TPD52: variants seen among roughly 807,000 people sequenced by gnomAD.
TPD52 encodes prostate and colon associated protein.
Under a neutral mutation model 31.3 loss-of-function variants are expected in TPD52, and 17 were observed. That is an observed-to-expected ratio of 0.54 (90% CI 0.37 to 0.82). The LOEUF is 0.82. TPD52 is among the 40% of genes least tolerant of loss of function. TPD52 has a pLI of 0.00. For synonymous variants in TPD52, 83 were observed against 89.6 expected (o/e 0.93, Z 0.42); for missense variants, 212 against 240.1 (o/e 0.88, Z 0.77).
intron 1 of TPD52, among the ~76,000 whole-genome samples, chr8:80,113,433 T>C (rs1176107599): frequency 1.3e-5 from 2 of 152,178 alleles, no homozygotes; most frequent in Admixed American, 6.6e-5. Flanking sequence ...TACTACTATT[T>C]ATCCAAAGGA....
Position 80,038,155 on chromosome 8 carries a change from G to C in TPD52, c.585C>G (p.Thr195=). The change falls in exon 8 of 8, where the codon ACC becomes ACG. Residue 195 remains threonine, a synonymous_variant. Coordinates refer to ENST00000518937, the MANE Select transcript of TPD52 (RefSeq NM_001025253.3). ...GTGTCTTTTCTGGAAGAGGCTCCGT[G>C]GTGGTGGCACTAGCATTTGCAGCCG... The part of the protein sequence containing the change: ...LNSAANASAT[T]TEPLPEKTQE... 1 of 1,614,046 alleles carries C rather than the reference G, an allele frequency of 6.2e-7. No individual in the cohort carries two copies. Among genetic ancestry groups the C allele is most frequent in the Non-Finnish European group, 8.5e-7 (1 of 1,179,954 alleles).
At chr8:80,061,377 G>C (rs7824109) in intron 2 of TPD52, among the ~76,000 whole-genome samples, 48,132 of 77,236 alleles carry the variant, frequency 0.62, 12,130 homozygotes, top group Middle Eastern at 0.73. Flanking sequence ...CCCCCCCACC[G>C]CCCCCCCCAA....
rs191471879 is a variant in TPD52, at chr8:80,104,263, G to C, written c.20-39670C>G. 7.1e-4 allele frequency among the ~76,000 whole-genome samples: 108 copies of C among 152,226 alleles called. No homozygotes were observed. The East Asian group carries it at 8.7e-3, about 12-fold the overall frequency. ...TCTCCCAGCTCCTTCCCAGTTTGGG[G>C]GTGTGGGGAGAAGGATGTTATAGTC... On this transcript the variant is annotated intron_variant, in intron 1 of 7. Coordinates refer to ENST00000518937, the MANE Select transcript of TPD52 (RefSeq NM_001025253.3).
At chr8:80,134,139 T>G (rs1267917081) in intron 1 of TPD52, among the ~76,000 whole-genome samples, 1 of 152,236 alleles carries the variant, frequency 6.6e-6, no homozygotes, top group Non-Finnish European at 1.5e-5. Context: ...GCCTGGCATA[T>G]CTATTTCAAA....
chr8:80,080,353 T>C (rs1563608754), intron 1 of TPD52: 1 of 1,614,152 alleles, frequency 6.2e-7, no homozygotes, highest in Non-Finnish European at 8.5e-7. Context: ...TGGAGATGAA[T>C]TTCCACTAGG....
intron 1 of TPD52, chr8:80,080,347 G>A: frequency 6.2e-7 from 1 of 1,614,146 alleles, no homozygotes; most frequent in Non-Finnish European, 8.5e-7. Flanking sequence ...TCCGGGTGGA[G>A]ATGAATTTCC....
At chr8:80,096,421 G>C (rs1273240873) in intron 1 of TPD52, among the ~76,000 whole-genome samples, 3 of 151,946 alleles carry the variant, frequency 2.0e-5, no homozygotes, top group Non-Finnish European at 4.4e-5. Context: ...ACCAAAGAAA[G>C]CATGTTTACA....
At chr8:80,054,707 G>A (rs1431201193) in intron 2 of TPD52, among the ~76,000 whole-genome samples, 4 of 150,302 alleles carry the variant, frequency 2.7e-5, no homozygotes, top group Non-Finnish European at 4.4e-5. Context: ...TTAGTGCAAC[G>A]GAGAAAAGGA....
At chr8:80,121,647 G>C (rs1403306641) in intron 1 of TPD52, among the ~76,000 whole-genome samples, 2 of 152,194 alleles carry the variant, frequency 1.3e-5, no homozygotes, top group East Asian at 3.8e-4. Context: ...ATCTGTTACA[G>C]GGAGTTCCTA....
intron 7 of TPD52, among the ~76,000 whole-genome samples, chr8:80,041,914 C>G (rs190692642): frequency 1.3e-5 from 2 of 151,860 alleles, no homozygotes; most frequent in East Asian, 3.9e-4. Context: ...ACAGTGAAAC[C>G]CCATCTCTAC....
chr8:80,151,842 T>G (rs2131200609), intron 1 of TPD52, among the ~76,000 whole-genome samples: 1 of 152,330 alleles, frequency 6.6e-6, no homozygotes, highest in South Asian at 2.1e-4. Context: ...ATAACTAAAT[T>G]TGTTGTAATT....
intron 5 of TPD52, among the ~76,000 whole-genome samples, chr8:80,049,919 T>C (rs1811196155): frequency 1.3e-5 from 2 of 151,960 alleles, no homozygotes; most frequent in South Asian, 4.1e-4. Flanking sequence ...TATTAAAAAG[T>C]GCAGAGTAGT....
chr8:80,039,972 T>A (rs186584148), intron 7 of TPD52, among the ~76,000 whole-genome samples: 1 of 152,258 alleles, frequency 6.6e-6, no homozygotes, highest in African/African-American at 2.4e-5. Flanking sequence ...AAGGGGTCCA[T>A]GTCTCTCTTG....
At chr8:80,083,165 T>C (rs1032610466) in intron 1 of TPD52, among the ~76,000 whole-genome samples, 1 of 147,368 alleles carries the variant, frequency 6.8e-6, no homozygotes, top group Non-Finnish European at 1.5e-5. Context: ...TTAAAGACTT[T>C]AACAAATTTT....
At chr8:80,086,116 AG>A (rs1643630649) in intron 1 of TPD52, among the ~76,000 whole-genome samples, 1 of 61,880 alleles carries the variant, frequency 1.6e-5, no homozygotes, top group Non-Finnish European at 3.2e-5. Context: ...TTTTTTTTTT[AG>A]TTTTTTTTTT....
intron 1 of TPD52, among the ~76,000 whole-genome samples, chr8:80,118,516 T>C (rs1372291917): frequency 6.6e-6 from 1 of 152,208 alleles, no homozygotes; most frequent in Non-Finnish European, 1.5e-5. Flanking sequence ...GAGGAAATAC[T>C]GTAAAATCAT....
chr8:80,159,112 G>T (rs1255413546), intron 1 of TPD52, among the ~76,000 whole-genome samples: 2 of 152,114 alleles, frequency 1.3e-5, no homozygotes, highest in African/African-American at 4.8e-5. Context: ...GCATTTTACA[G>T]AAGTATCTAA....
intron 1 of TPD52, among the ~76,000 whole-genome samples, chr8:80,117,640 A>C (rs1419068825): frequency 6.6e-6 from 1 of 152,134 alleles, no homozygotes; most frequent in Non-Finnish European, 1.5e-5. Context: ...GCTGATCCTA[A>C]AATTCTCACA....
chr8:80,032,734 T>G (rs191694289), downstream of TPD52: 6 of 152,300 alleles, frequency 3.9e-5, no homozygotes, highest in African/African-American at 1.2e-4. Context: ...TAGGTGGAGG[T>G]GACCATGAGT....
Sources: allele counts gnomAD v4.1 joint callset (sites outside exome capture counted in the v4.1 genomes callset), GRCh38; gene constraint gnomAD v4.1.1; transcripts MANE v1.5; gene names NCBI Gene and HGNC (gene_info 2026-07-23, HGNC 2026-07-21).